The following MAP3K13 variants were observed in gnomAD, a reference collection of about 807,000 sequenced individuals.
MAP3K13 encodes the protein mitogen-activated protein kinase kinase kinase 13.
MAP3K13 carries 52 observed loss-of-function variants against 104.0 expected under a neutral mutation model. The ratio of observed to expected loss-of-function variants is 0.50; its 90% CI spans 0.40 to 0.63. The LOEUF is 0.63. MAP3K13 is among the 20% of genes least tolerant of loss of function. MAP3K13 has a pLI of 0.00. For synonymous variants in MAP3K13, 394 were observed against 442.2 expected (o/e 0.89, Z 1.37); for missense variants, 914 against 1,218.5 (o/e 0.75, Z 3.72).
rs942868233 is a variant in MAP3K13, at chr3:185,482,530, C to T, written c.*74C>T. The T allele has an allele frequency of 1.9e-6, 2 of 1,079,620 alleles. No homozygotes were observed. The highest frequency in any genetic ancestry group is 1.8e-5 in the Admixed American group (1 of 56,592). The allele number at this position is 1,079,620 out of a possible 1,614,324, so 66.9% of individuals were successfully genotyped here. On this transcript the variant is annotated 3_prime_UTR_variant, in exon 14 of 14. Coordinates refer to ENST00000265026, the MANE Select transcript of MAP3K13 (RefSeq NM_004721.5). This position sits in a 1 kb window ranked among gnomAD's most constrained non-coding sequence, Gnocchi z 4.5. ...ATCCACCCCACCCCCAGACTCATCC[C>T]ACTCTCTCCCAGCATTTTGTCTGGG...
At position 185,454,628 on chromosome 3, in the gene MAP3K13, T is replaced by TATATATGAGATATATATG. The variant is rs1553808137; in HGVS notation, c.1278+3239_1278+3240insGAGATATATATGATATAT. On this transcript the variant is annotated intron_variant, in intron 7 of 13. Transcript: ENST00000265026. ...AGATATATATGATATATATATGAGATATATATATGAGATATATATATGATA... is the reference window on the plus strand; with the variant it reads ...AGATATATATGATATATATATGAGATATATATGAGATATATATGATATATATGAGATATATATATGATA... Among the ~76,000 whole-genome samples, 9 of 52,268 alleles carry TATATATGAGATATATATG rather than the reference T, an allele frequency of 1.7e-4. 1 individual carries two copies. The highest frequency in any genetic ancestry group is 6.6e-4 in the South Asian group (1 of 1,510). 34.3% of individuals were successfully genotyped at this position (52,268 alleles called of 152,430 possible).
intron 12 of MAP3K13, among the ~76,000 whole-genome samples, chr3:185,478,770 G>T (rs958964829): frequency 5.3e-5 from 8 of 151,712 alleles, no homozygotes; most frequent in Non-Finnish European, 1.0e-4. Flanking sequence ...TACTCAGAAG[G>T]CTGAGGCAGG....
Position 185,451,288 on chromosome 3 carries a change from CA to C in MAP3K13, c.1172del (p.Gln391ArgfsTer17). Reference protein sequence around the residue: ...GFKILMKQTWQSKPRNRPSFR... With the variant: ...GFKILMKQTWXSKPRNRPSFR... The stretch of plus-strand genomic sequence containing the variant: ...ACAAACTGTCTTTTTCACTTTTAGG[CA>C]GAGTAAACCTCGAAACCGACCTTCT... On this transcript the variant is annotated frameshift_variant and splice_region_variant, in exon 7 of 14. Transcript: ENST00000265026. LOFTEE classifies it high-confidence loss of function. 1 of 1,604,360 alleles carries C rather than the reference CA, an allele frequency of 6.2e-7. No individual in the cohort carries two copies. Among genetic ancestry groups the C allele is most frequent in the African/African-American group, 1.3e-5 (1 of 74,636 alleles).
intron 2 of MAP3K13, 46 bp downstream of exon 2, chr3:185,429,102 C>A (rs750329349): frequency 6.5e-7 from 1 of 1,540,888 alleles, no homozygotes; most frequent in South Asian, 1.2e-5. Flanking sequence ...TGTAAACACA[C>A]CATCACCACC....
intron 2 of MAP3K13, among the ~76,000 whole-genome samples, chr3:185,317,517 C>G (rs899608009): frequency 1.3e-5 from 2 of 152,158 alleles, no homozygotes; most frequent in Non-Finnish European, 2.9e-5. Context: ...TTTATATTAT[C>G]TAGACTTTTA....
chr3:185,289,333 C>T (rs1331685290), intron 2 of MAP3K13, among the ~76,000 whole-genome samples: 1 of 152,028 alleles, frequency 6.6e-6, no homozygotes, highest in Admixed American at 6.6e-5. Context: ...TCTTTCAAAT[C>T]CTAAAAACTT....
At chr3:185,393,330 TA>T (rs1712181223) in intron 1 of MAP3K13, among the ~76,000 whole-genome samples, 1 of 152,184 alleles carries the variant, frequency 6.6e-6, no homozygotes, top group Non-Finnish European at 1.5e-5. Context: ...AATGTATAAT[TA>T]GGGGCAAAAC....
intron 1 of MAP3K13, among the ~76,000 whole-genome samples, chr3:185,402,327 G>GT (rs552052113): frequency 1.6e-4 from 25 of 151,770 alleles, no homozygotes; most frequent in Admixed American, 8.5e-4. Context: ...TATTGTCAGG[G>GT]TTTTTTTTCT....
intron 1 of MAP3K13, among the ~76,000 whole-genome samples, chr3:185,391,518 T>C (rs969254076): frequency 1.3e-5 from 2 of 152,216 alleles, no homozygotes; most frequent in Non-Finnish European, 2.9e-5. Context: ...TATAAAATAG[T>C]ATAAAGAAAG....
intron 1 of MAP3K13, among the ~76,000 whole-genome samples, chr3:185,367,986 G>A (rs1356527420): frequency 2.6e-5 from 4 of 152,050 alleles, no homozygotes; most frequent in South Asian, 4.1e-4. Context: ...GCAAAACCCT[G>A]GGTCTACAAA....
chr3:185,385,402 G>A (rs1711631244), intron 1 of MAP3K13, among the ~76,000 whole-genome samples: 1 of 152,058 alleles, frequency 6.6e-6, no homozygotes, highest in African/African-American at 2.4e-5. Context: ...CGAACTCCTG[G>A]CCTCAAGTGA....
chr3:185,309,017 G>A (rs778370597), intron 2 of MAP3K13, among the ~76,000 whole-genome samples: 11 of 152,070 alleles, frequency 7.2e-5, no homozygotes, highest in Non-Finnish European at 1.2e-4. Context: ...ATTCCACCGT[G>A]TTTTCTCTTC....
intron 11 of MAP3K13, chr3:185,477,055 T>C: frequency 1.7e-6 from 1 of 582,012 alleles, no homozygotes. Flanking sequence ...CTGGACACTT[T>C]AATAGAGCCA....
intron 1 of MAP3K13, among the ~76,000 whole-genome samples, chr3:185,412,246 C>T (rs1713494271): frequency 6.6e-6 from 1 of 151,562 alleles, no homozygotes; most frequent in South Asian, 2.1e-4. Context: ...ATATTGTTTT[C>T]TGTCACAAAT....
rs1367019158 is a variant in MAP3K13, at chr3:185,455,451, TA to T, written c.1278+4057del. 3.4e-5 allele frequency among the ~76,000 whole-genome samples: 4 copies of T among 117,634 alleles called. 1 individual carries two copies. Among genetic ancestry groups the T allele is most frequent in the Non-Finnish European group, 3.3e-5 (2 of 61,464 alleles). 77.2% of individuals were successfully genotyped at this position (117,634 alleles called of 152,430 possible). On this transcript the variant is annotated intron_variant, in intron 7 of 13. Coordinates refer to ENST00000265026, the MANE Select transcript of MAP3K13 (RefSeq NM_004721.5). ...ATATATGAGATATATATATGAGATA[TA>T]TATCATATATATGAGATATATACAT...
chr3:185,380,047 A>C (rs967956499), intron 1 of MAP3K13, among the ~76,000 whole-genome samples: 4 of 152,034 alleles, frequency 2.6e-5, no homozygotes, highest in Non-Finnish European at 2.9e-5. Context: ...TTAGCCGGGC[A>C]TGATGGCAGG....
chr3:185,349,191 T>A (rs1366486062), intron 2 of MAP3K13, among the ~76,000 whole-genome samples: 1 of 152,062 alleles, frequency 6.6e-6, no homozygotes, highest in Non-Finnish European at 1.5e-5. Flanking sequence ...GTATATTGTG[T>A]CATGGTGGGG....
chr3:185,302,807 CA>C (rs1428782572), intron 2 of MAP3K13, among the ~76,000 whole-genome samples: 3 of 152,052 alleles, frequency 2.0e-5, no homozygotes, highest in Non-Finnish European at 1.5e-5. Flanking sequence ...TCTTTCTTTC[CA>C]ATTTACATGC....
intron 7 of MAP3K13, among the ~76,000 whole-genome samples, chr3:185,454,399 GATAT>G (rs1159221410): frequency 0.051 from 1,082 of 21,364 alleles, 443 homozygotes; most frequent in Non-Finnish European, 0.099. Flanking sequence ...ATATATATGA[GATAT>G]ATATATGAGA....
Sources: allele counts gnomAD v4.1 joint callset (sites outside exome capture counted in the v4.1 genomes callset), GRCh38; gene constraint gnomAD v4.1.1; non-coding constraint Gnocchi (gnomAD v3.1); transcripts MANE v1.5; gene names NCBI Gene and HGNC (gene_info 2026-07-23, HGNC 2026-07-21).